Variants in UBR4 observed in about 807,000 individuals in gnomAD.
The protein encoded by UBR4 is ubiquitin protein ligase E3 component n-recognin 4, also known as E3 ubiquitin-protein ligase UBR4.
Under a neutral mutation model 575.6 loss-of-function variants are expected in UBR4, and 124 were observed. That is an observed-to-expected ratio of 0.22 (90% CI 0.19 to 0.25). The LOEUF is 0.25. Among genes scored for constraint, UBR4 ranks in the 10% least tolerant of loss-of-function variants. The pLI is 1.00. For synonymous variants in UBR4, 2,455 were observed against 2,473.7 expected, an observed-to-expected ratio of 0.99 and a Z score of 0.22; for missense variants, 4,818 against 6,478.8, an observed-to-expected ratio of 0.74 and a Z score of 8.80.
At position 19,096,594 on chromosome 1, in the gene UBR4, C is replaced by T; in HGVS notation, c.13447G>A (p.Gly4483Arg). 2 of 1,613,822 alleles carry T rather than the reference C, an allele frequency of 1.2e-6. No homozygotes were observed. Among genetic ancestry groups the T allele is most frequent in the East Asian group, 2.2e-5 (1 of 44,842 alleles). The change falls in exon 92 of 106, where the codon GGG becomes AGG. Residue 4483 changes from glycine (G) to arginine (R), a missense_variant. Physicochemically the swap from Gly to Arg is moderately radical, Grantham distance 125. Transcript: ENST00000375254. ...CTGTTAAGCATGCATTCCAGGCCCC[C>T]ACACTGGGCCATCACACCAGCCATT... Reference protein sequence around the residue: ...YKMAGVMAQCGGLECMLNRLA... With the variant: ...YKMAGVMAQCRGLECMLNRLA...
chr1:19,129,189 T>C, intron 60 of UBR4, 115 bp from the exon 61 acceptor site: 4 of 779,112 alleles, frequency 5.1e-6, no homozygotes, highest in Non-Finnish European at 6.2e-6. Context: ...AGCCTAATGC[T>C]TAGGAACAAT....
intron 18 of UBR4, 71 bp from the exon 19 acceptor site, chr1:19,177,814 C>T: frequency 1.3e-6 from 2 of 1,494,968 alleles, no homozygotes; most frequent in Non-Finnish European, 1.8e-6. Flanking sequence ...ATGTCAAGCA[C>T]TAGAAGAGTT....
At chr1:19,101,459 C>T in intron 88 of UBR4, 61 bp downstream of exon 88, 1 of 1,547,740 alleles carries the variant, frequency 6.5e-7, no homozygotes, top group East Asian at 2.3e-5. Flanking sequence ...CACCAAGAGG[C>T]TTCATGGCAA....
chr1:19,196,032 T>G (rs962796392), intron 8 of UBR4, among the ~76,000 whole-genome samples: 2 of 147,150 alleles, frequency 1.4e-5, no homozygotes, highest in African/African-American at 5.2e-5. Context: ...TTACGTAGTA[T>G]GTTCCCCCAA....
At chr1:19,097,062 A>C in intron 91 of UBR4, 131 bp downstream of exon 91, 1 of 676,972 alleles carries the variant, frequency 1.5e-6, no homozygotes, top group Non-Finnish European at 2.3e-6. Context: ...TCCTCAATTG[A>C]AGAAACAATC....
chr1:19,154,039 A>G, intron 44 of UBR4, 100 bp from the exon 45 acceptor site: 2 of 1,334,786 alleles, frequency 1.5e-6, no homozygotes, highest in Non-Finnish European at 2.1e-6. Context: ...CGTGACTCCA[A>G]AGCAATATCC....
At chr1:19,141,243 C>G in intron 57 of UBR4, 104 bp downstream of exon 57, 1 of 1,506,822 alleles carries the variant, frequency 6.6e-7, no homozygotes, top group South Asian at 1.2e-5. Context: ...CAACCTCTCC[C>G]CATATCTGGG....
chr1:19,178,774 A>G (rs1463508396), intron 18 of UBR4, among the ~76,000 whole-genome samples: 1 of 152,218 alleles, frequency 6.6e-6, no homozygotes, highest in Non-Finnish European at 1.5e-5. Flanking sequence ...CTTTCAAAAA[A>G]GCAGGTCAGG....
At chr1:19,082,028 G>A (rs1307199711) in intron 102 of UBR4, 1 of 556,930 alleles carries the variant, frequency 1.8e-6, no homozygotes, top group Non-Finnish European at 3.2e-6. Flanking sequence ...ACTCCCCCTT[G>A]CTCCACATAG....
At chr1:19,111,113 T>C (rs1419030832) in intron 78 of UBR4, among the ~76,000 whole-genome samples, 2 of 152,246 alleles carry the variant, frequency 1.3e-5, no homozygotes, top group Non-Finnish European at 2.9e-5. Flanking sequence ...GAGCCCCTGC[T>C]GTCTGGTGTG....
intron 83 of UBR4, 96 bp downstream of exon 83, chr1:19,106,473 A>G: frequency 7.1e-7 from 1 of 1,401,240 alleles, no homozygotes; most frequent in Non-Finnish European, 9.4e-7. Context: ...GAAAGAAGAG[A>G]TGGCAGTGCA....
At chr1:19,198,338 C>T (rs911842975) in intron 5 of UBR4, among the ~76,000 whole-genome samples, 1 of 152,172 alleles carries the variant, frequency 6.6e-6, no homozygotes, top group Non-Finnish European at 1.5e-5. Flanking sequence ...CTAGAATGGT[C>T]GTCAAAACAG....
chr1:19,160,337 A>G (rs1212655550), intron 38 of UBR4, 56 bp from the exon 39 acceptor site: 2 of 1,448,440 alleles, frequency 1.4e-6, no homozygotes, highest in African/African-American at 1.4e-5. Context: ...AAAACAATGG[A>G]TAATACTTGT....
At position 19,165,788 on chromosome 1, in the gene UBR4, G is replaced by A. The variant is rs777339258; in HGVS notation, c.4110-31C>T. The stretch of plus-strand genomic sequence containing the variant: ...GATCAAACGGAAAACTTAACCACCA[G>A]TATTAAGACCTGTTTCAATGTCCTC... On this transcript the variant is annotated intron_variant, in intron 29 of 105. Transcript: ENST00000375254. The A allele has an allele frequency of 1.2e-5, 18 of 1,564,226 alleles. No individual in the cohort carries two copies. The South Asian group carries it at 1.8e-4, about 16-fold the overall frequency.
At chr1:19,189,970 C>T (rs947867441) in intron 11 of UBR4, among the ~76,000 whole-genome samples, 3 of 151,948 alleles carry the variant, frequency 2.0e-5, no homozygotes, top group Non-Finnish European at 2.9e-5. Context: ...GGTCAAATGC[C>T]CCTGTTCTAA....
intron 2 of UBR4, 98 bp downstream of exon 2, chr1:19,201,620 G>A (rs2092746783): frequency 4.8e-6 from 5 of 1,051,352 alleles, no homozygotes; most frequent in Admixed American, 2.3e-5. Context: ...CTAAAACCTA[G>A]ACTTCATTAA....
At position 19,110,909 on chromosome 1, in the gene UBR4, G is replaced by A. The variant is rs2079784717; in HGVS notation, c.11802-77C>T. On this transcript the variant is annotated intron_variant, in intron 78 of 105. Transcript: ENST00000375254. The surrounding 1 kb of genome is among the most constrained non-coding windows in gnomAD (Gnocchi z 4.5). Reference sequence around the variant, plus strand: ...CTCCTTTCCACCTGAAGGGGCCCAGGGAAAATGAAATCAATGTCTAAGGCT... The same window carrying A: ...CTCCTTTCCACCTGAAGGGGCCCAGAGAAAATGAAATCAATGTCTAAGGCT... The A allele has an allele frequency of 6.9e-7, 1 of 1,443,182 alleles. No individual in the cohort carries two copies. The highest frequency in any genetic ancestry group is 2.3e-5 in the East Asian group (1 of 43,242). 89.4% of individuals were successfully genotyped at this position (1,443,182 alleles called of 1,614,324 possible).
intron 22 of UBR4, 122 bp downstream of exon 22, chr1:19,174,197 G>GT (rs2089972635): frequency 7.9e-7 from 1 of 1,261,416 alleles, no homozygotes; most frequent in Non-Finnish European, 1.1e-6. Context: ...AAATACTCAA[G>GT]TATCAGTCAG....
intron 5 of UBR4, among the ~76,000 whole-genome samples, 189 bp from the exon 6 acceptor site, chr1:19,198,238 T>C (rs1456002694): frequency 1.3e-5 from 2 of 152,226 alleles, no homozygotes; most frequent in Admixed American, 6.5e-5. Context: ...CTTTAAAATA[T>C]ATATATGTTC....
Sources: gnomAD v4.1 joint callset for allele counts (sites outside exome capture counted in the v4.1 genomes callset) on GRCh38, gnomAD v4.1.1 for gene constraint, Gnocchi (gnomAD v3.1) non-coding constraint, MANE v1.5 for transcripts, NCBI Gene and HGNC (gene_info 2026-07-23, HGNC 2026-07-21) for gene names.